SFTPD: variants seen among roughly 807,000 people sequenced by gnomAD.
SFTPD encodes the protein surfactant protein D.
Under a neutral mutation model 34.6 loss-of-function variants are expected in SFTPD, and 18 were observed. The ratio of observed to expected loss-of-function variants is 0.52; its 90% CI spans 0.36 to 0.77. The LOEUF (loss-of-function observed/expected upper bound fraction) is 0.77, where lower values mean the gene tolerates loss of function less well. Ranked by LOEUF, SFTPD falls within the 30% of genes least tolerant of loss-of-function variation. The probability of loss-of-function intolerance (pLI) is 0.00; values close to 1 mark genes in which losing one functional copy is unlikely to be tolerated. For synonymous variants in SFTPD, 155 were observed against 180.9 expected, an observed-to-expected ratio of 0.86 and a Z score of 1.15; for missense variants, 433 against 468.9, an observed-to-expected ratio of 0.92 and a Z score of 0.71.
At chr10:79,973,047 T>A (rs1437661858) in intron 1 of SFTPD, 1 of 152,168 alleles carries the variant, frequency 6.6e-6, no homozygotes, top group East Asian at 1.9e-4. Context: ...CCTTTAAACA[T>A]TGAAACAGAA....
In SFTPD at chr10:79,946,792, G is replaced by A. The variant is rs555116116; in HGVS notation, c.-3-130C>T. On this transcript the variant is annotated intron_variant, in intron 1 of 7. Coordinates refer to ENST00000372292, the MANE Select transcript of SFTPD (RefSeq NM_003019.5). ...TCTGTCCTCTGCTATGGGGCCTAGA[G>A]CAGCAGGAATCCAAAAGCAGTTTAA... The A allele has an allele frequency of 4.9e-6, 4 of 808,606 alleles. No individual in the cohort carries two copies. In the African/African-American group the frequency reaches 5.2e-5, roughly 10 times the overall value. 50.1% of individuals were successfully genotyped at this position (808,606 alleles called of 1,614,324 possible). A position where few individuals can be genotyped will look rare whatever the true frequency, so the allele number is the denominator to read the frequency against.
At chr10:79,980,846 G>A (rs2132531480) in intron 1 of SFTPD, among the ~76,000 whole-genome samples, 1 of 152,294 alleles carries the variant, frequency 6.6e-6, no homozygotes, top group South Asian at 2.1e-4. Flanking sequence ...TACTTGAAAA[G>A]CCTTCTCAAG....
chr10:79,941,714 C>T (rs1482618733), intron 5 of SFTPD, among the ~76,000 whole-genome samples, 200 bp from the exon 6 acceptor site: 6 of 152,274 alleles, frequency 3.9e-5, no homozygotes, highest in Non-Finnish European at 4.4e-5. Context: ...AAAACTGCCC[C>T]GCCACCCAAC....
At position 79,940,736 on chromosome 10, in the gene SFTPD, G is replaced by A. The variant is rs763989377; in HGVS notation, c.720C>T (p.His240=). Residue 240 remains histidine (H), a synonymous_variant, in exon 7 of 8, where the codon CAC becomes CAT. Transcript: ENST00000372292. The part of the protein sequence containing the change: ...QVEALQGQVQ[H]LQAAFSQYKK... ...TATACTGAGAGAAAGCAGCCTGGAG[G>A]TGCTGTACTTGTCCCTGTAAGGCCT... 1.3e-5 allele frequency: 21 copies of A among 1,611,592 alleles called. No individual in the cohort carries two copies. The East Asian group carries it at 1.3e-4, about 10-fold the overall frequency.
intron 1 of SFTPD, among the ~76,000 whole-genome samples, chr10:79,955,348 T>C (rs183478503): frequency 1.3e-5 from 2 of 152,228 alleles, no homozygotes; most frequent in Non-Finnish European, 2.9e-5. Context: ...ATAATTATAA[T>C]GTTTTGAAGA....
intron 1 of SFTPD, among the ~76,000 whole-genome samples, chr10:79,975,404 A>G (rs1842859033): frequency 6.6e-6 from 1 of 152,200 alleles, no homozygotes; most frequent in African/African-American, 2.4e-5. Flanking sequence ...GGAATGAACC[A>G]GACCCCACAC....
chr10:79,981,895 C>T (rs1041567577), intron 1 of SFTPD: 6 of 271,264 alleles, frequency 2.2e-5, no homozygotes, highest in Non-Finnish European at 4.3e-5. Flanking sequence ...GCCGCCTCTT[C>T]CTGCTAGAGC....
At chr10:79,975,768 C>T (rs1025840606) in intron 1 of SFTPD, among the ~76,000 whole-genome samples, 2 of 152,152 alleles carry the variant, frequency 1.3e-5, no homozygotes, top group African/African-American at 2.4e-5. Context: ...TATAGATATT[C>T]GATTAACTAA....
chr10:79,944,971 TCTGAGGATG>T (rs1433940416), intron 2 of SFTPD, among the ~76,000 whole-genome samples: 2 of 151,802 alleles, frequency 1.3e-5, no homozygotes, highest in African/African-American at 2.4e-5. Context: ...CTGGGTAGAT[TCTGAGGATG>T]CTGAGGATTC....
chr10:79,973,850 G>A (rs1267241551), intron 1 of SFTPD, among the ~76,000 whole-genome samples: 2 of 152,138 alleles, frequency 1.3e-5, no homozygotes. Context: ...AACTTCTTGG[G>A]ATGACTCTGG....
intron 1 of SFTPD, among the ~76,000 whole-genome samples, chr10:79,965,584 G>GTTTTTT (rs71034264): frequency 2.7e-5 from 2 of 75,268 alleles, no homozygotes; most frequent in Non-Finnish European, 4.8e-5. Flanking sequence ...TATTTTTAAT[G>GTTTTTT]TTTTTTTTTT....
chr10:79,942,170 A>C, intron 4 of SFTPD, 100 bp from the exon 5 acceptor site: 1 of 873,096 alleles, frequency 1.1e-6, no homozygotes, highest in East Asian at 2.4e-5. Flanking sequence ...TTAGGGTCAG[A>C]GAGAGAAGTG....
At chr10:79,972,116 C>T (rs952413413) in intron 1 of SFTPD, 2 of 152,058 alleles carry the variant, frequency 1.3e-5, no homozygotes, top group African/African-American at 2.4e-5. Flanking sequence ...CTCTTGGATG[C>T]AAAGTTAGTA....
chr10:79,967,348 A>G (rs1410617447), intron 1 of SFTPD, among the ~76,000 whole-genome samples: 3 of 106,898 alleles, frequency 2.8e-5, no homozygotes, highest in Non-Finnish European at 5.4e-5. Flanking sequence ...GGGTAGGAAG[A>G]ATCAATATCG....
rs780628849 is a variant in SFTPD, at chr10:79,941,388, G to T, written c.667+10C>A. 6.2e-7 allele frequency: 1 copy of T among 1,611,632 alleles called. No homozygotes were observed. The highest frequency in any genetic ancestry group is 1.1e-5 in the South Asian group (1 of 91,048). On this transcript the variant is annotated intron_variant, in intron 6 of 7. Transcript: ENST00000372292. ...GCGGGGCTTCCCTGGGCCAGGAGCT[G>T]CTACCTTACCTGGAAGCCCACTTTC...
intron 1 of SFTPD, among the ~76,000 whole-genome samples, chr10:79,961,388 A>T (rs1393196670): frequency 6.6e-6 from 1 of 152,026 alleles, no homozygotes; most frequent in African/African-American, 2.4e-5. Context: ...AATTTTTGCA[A>T]CCTACTCATC....
chr10:79,949,250 C>A (rs1379882575), upstream of SFTPD: 1 of 152,202 alleles, frequency 6.6e-6, no homozygotes, highest in Non-Finnish European at 1.5e-5. Flanking sequence ...TGGAAACCTG[C>A]CACTGATATT....
chr10:79,959,118 C>A (rs1842756982), intron 1 of SFTPD, among the ~76,000 whole-genome samples: 1 of 150,826 alleles, frequency 6.6e-6, no homozygotes, highest in African/African-American at 2.4e-5. Context: ...CACAACATAC[C>A]AGAATCTCTG....
chr10:79,973,771 C>A (rs546682384), intron 1 of SFTPD, among the ~76,000 whole-genome samples: 1 of 152,054 alleles, frequency 6.6e-6, no homozygotes, highest in Non-Finnish European at 1.5e-5. Context: ...GACAGGGTAC[C>A]CAGCTCTAGT....
Sources: allele counts gnomAD v4.1 joint callset (sites outside exome capture counted in the v4.1 genomes callset), GRCh38; gene constraint gnomAD v4.1.1; transcripts MANE v1.5; gene names NCBI Gene and HGNC (gene_info 2026-07-23, HGNC 2026-07-21).